MAPK10: variants seen among roughly 807,000 people sequenced by gnomAD.
MAPK10 encodes JNK3 alpha protein kinase.
A neutral mutation model predicts 59.3 loss-of-function variants in MAPK10; 25 were observed. That is an observed-to-expected ratio of 0.42 (90% CI 0.31 to 0.59). The LOEUF (loss-of-function observed/expected upper bound fraction) is 0.59, where lower values mean the gene tolerates loss of function less well. MAPK10 is among the 20% of genes least tolerant of loss of function. The probability of loss-of-function intolerance (pLI) is 0.15; values close to 1 mark genes in which losing one functional copy is unlikely to be tolerated. For synonymous variants in MAPK10, 190 were observed against 200.5 expected (o/e 0.95, Z 0.44); for missense variants, 351 against 568.9 (o/e 0.62, Z 3.90).
At chr4:86,122,255 G>T (rs1057152335) in intron 4 of MAPK10, among the ~76,000 whole-genome samples, 137 of 152,276 alleles carry the variant, frequency 9.0e-4, no homozygotes, top group African/African-American at 3.2e-3. Context: ...GCATTTATCT[G>T]CTAATGCTTT....
chr4:86,260,353 A>T (rs545760502), intron 2 of MAPK10, among the ~76,000 whole-genome samples: 19 of 152,120 alleles, frequency 1.2e-4, no homozygotes, highest in Non-Finnish European at 2.9e-5. Flanking sequence ...CAAATGTAAC[A>T]TGTGGAATTA....
intron 1 of MAPK10, among the ~76,000 whole-genome samples, chr4:86,428,918 A>G (rs1747662512): frequency 6.6e-6 from 1 of 152,182 alleles, no homozygotes; most frequent in South Asian, 2.1e-4. Context: ...TGCAAATTTC[A>G]TCATCCTATT....
chr4:86,331,765 G>C (rs1326734487), intron 2 of MAPK10, among the ~76,000 whole-genome samples: 1 of 152,096 alleles, frequency 6.6e-6, no homozygotes, highest in African/African-American at 2.4e-5. Flanking sequence ...TTTTTATTAA[G>C]AGTAACAAAT....
At chr4:86,242,388 G>T (rs114515845) in intron 2 of MAPK10, among the ~76,000 whole-genome samples, 4,533 of 152,268 alleles carry the variant, frequency 0.03, 94 homozygotes, top group South Asian at 0.041. Context: ...GATGGAGAGG[G>T]TGTGCTTTGC....
intron 13 of MAPK10, among the ~76,000 whole-genome samples, chr4:86,018,632 C>T (rs532427153): frequency 2.1e-4 from 32 of 152,306 alleles, no homozygotes; most frequent in African/African-American, 7.2e-4. Context: ...TACAATTAAA[C>T]CAGAGCACCC....
chr4:86,370,003 G>GTCAC (rs1219437221), intron 1 of MAPK10, among the ~76,000 whole-genome samples: 1 of 152,120 alleles, frequency 6.6e-6, no homozygotes, highest in Non-Finnish European at 1.5e-5. Flanking sequence ...GTAGATGACA[G>GTCAC]TCACTCAATA....
intron 4 of MAPK10, among the ~76,000 whole-genome samples, chr4:86,135,370 C>A (rs1051608498): frequency 6.6e-6 from 1 of 152,172 alleles, no homozygotes. Context: ...TCAAGTGGGT[C>A]CCTGACCCCT....
At chr4:86,318,881 C>G (rs1024438246) in intron 2 of MAPK10, among the ~76,000 whole-genome samples, 1 of 151,208 alleles carries the variant, frequency 6.6e-6, no homozygotes, top group African/African-American at 2.4e-5. Context: ...TGCATAATCT[C>G]TCTCCATAGC....
chr4:86,212,889 AAT>A (rs2086246688), intron 2 of MAPK10, among the ~76,000 whole-genome samples: 1 of 152,154 alleles, frequency 6.6e-6, no homozygotes, highest in Non-Finnish European at 1.5e-5. Flanking sequence ...AACAATAGCT[AAT>A]AGACGTATAC....
At chr4:86,394,016 A>G (rs902758395) in intron 1 of MAPK10, among the ~76,000 whole-genome samples, 2 of 152,178 alleles carry the variant, frequency 1.3e-5, no homozygotes, top group African/African-American at 4.8e-5. Flanking sequence ...CAAACTTGTA[A>G]TCCCAGCACT....
At chr4:86,462,191 C>T (rs1034430639) in intron 1 of MAPK10, among the ~76,000 whole-genome samples, 11 of 152,192 alleles carry the variant, frequency 7.2e-5, no homozygotes, top group African/African-American at 2.7e-4. Flanking sequence ...AGTCTGTGGA[C>T]CCTTGCCAGC....
rs1323339060 is a variant in MAPK10, at chr4:86,248,278, GGTT to G, written c.-6-53874_-6-53872del. On this transcript the variant is annotated intron_variant, in intron 2 of 13. Transcript: ENST00000641462. ...TTAGAGAGATTATTTGAAAATTGCT[GGTT>G]GTTTAAATTAAAATGTTAAATTCGT... 2.0e-5 allele frequency among the ~76,000 whole-genome samples: 3 copies of G among 152,022 alleles called. No individual in the cohort carries two copies. In the East Asian group the frequency reaches 5.8e-4, roughly 29 times the overall value.
At chr4:86,172,019 A>G (rs1211082926) in intron 3 of MAPK10, among the ~76,000 whole-genome samples, 10 of 143,160 alleles carry the variant, frequency 7.0e-5, no homozygotes, top group African/African-American at 2.6e-4. Context: ...CAAAACCACA[A>G]TGAGATACCA....
chr4:86,511,546 G>A (rs144670239), intron 1 of MAPK10, among the ~76,000 whole-genome samples: 279 of 151,850 alleles, frequency 1.8e-3, no homozygotes, highest in African/African-American at 5.7e-3. Context: ...CAGCCTGGGC[G>A]ATAGAACCAG....
In MAPK10 at chr4:86,019,103, C is replaced by A. The variant is rs138618119; in HGVS notation, c.1253-1733G>T. Reference sequence around the variant, plus strand: ...TTGACTATAAATATATGGACGTACTCTATGGGAAATGTGAAAAAATATAGG... The same window carrying A: ...TTGACTATAAATATATGGACGTACTATATGGGAAATGTGAAAAAATATAGG... On this transcript the variant is annotated intron_variant, in intron 13 of 13. Coordinates refer to ENST00000641462, the MANE Select transcript of MAPK10 (RefSeq NM_138982.4). 2.6e-5 allele frequency among the ~76,000 whole-genome samples: 4 copies of A among 152,018 alleles called. No individual in the cohort carries two copies. The South Asian group carries it at 8.3e-4, about 31-fold the overall frequency.
intron 1 of MAPK10, among the ~76,000 whole-genome samples, chr4:86,416,799 A>G (rs1049274478): frequency 6.6e-6 from 1 of 152,224 alleles, no homozygotes; most frequent in African/African-American, 2.4e-5. Flanking sequence ...TAAGAAATAA[A>G]TTCCCTACTG....
Position 86,497,036 on chromosome 4 carries a change from T to G in MAPK10, c.-263+96874A>C, listed in dbSNP as rs186560424. ...TTTATAACTCATTTTCACATGCTAT[T>G]TCATTCTATCCTCAAAACTTTATTT... On this transcript the variant is annotated intron_variant, in intron 1 of 4. Transcript: ENST00000502302. Among the ~76,000 whole-genome samples the G allele has an allele frequency of 2.6e-4, 39 of 152,342 alleles. 1 individual carries two copies. The East Asian group carries it at 6.0e-3, about 23-fold the overall frequency.
intron 10 of MAPK10, among the ~76,000 whole-genome samples, chr4:86,066,159 G>C (rs541638261): frequency 6.6e-6 from 1 of 152,158 alleles, no homozygotes; most frequent in East Asian, 1.9e-4. Flanking sequence ...AAAATCACTA[G>C]TTAAACTTGA....
intron 2 of MAPK10, among the ~76,000 whole-genome samples, chr4:86,264,739 C>T (rs1014084306): frequency 5.9e-5 from 9 of 152,142 alleles, no homozygotes; most frequent in Admixed American, 2.0e-4. Context: ...AAAGAAAAGA[C>T]GGGCAACCCT....
Sources: allele counts gnomAD v4.1 joint callset (sites outside exome capture counted in the v4.1 genomes callset), GRCh38; gene constraint gnomAD v4.1.1; transcripts MANE v1.5; gene names NCBI Gene and HGNC (gene_info 2026-07-23, HGNC 2026-07-21).